Variants in POMZP3 observed in about 807,000 individuals in gnomAD.
POMZP3 encodes POM121 and ZP3 fusion, also known as POM121 and ZP3 fusion protein.
A neutral mutation model predicts 19.8 loss-of-function variants in POMZP3; 10 were observed. The ratio of observed to expected loss-of-function variants is 0.51; its 90% confidence interval spans 0.31 to 0.86. The LOEUF (loss-of-function observed/expected upper bound fraction) is 0.86. Among genes scored for constraint, POMZP3 ranks in the 40% least tolerant of loss-of-function variants. The probability of loss-of-function intolerance (pLI) is 0.04; values close to 1 mark genes in which losing one functional copy is unlikely to be tolerated. For missense variants in POMZP3, 152 were observed against 228.1 expected, an observed-to-expected ratio of 0.67 and a Z score of 2.15; for synonymous variants, 57 against 85.8, an observed-to-expected ratio of 0.66 and a Z score of 1.85.
chr7:76,619,048 A>G (rs936835695), intron 3 of POMZP3, among the ~76,000 whole-genome samples: 1 of 152,116 alleles, frequency 6.6e-6, no homozygotes, highest in African/African-American at 2.4e-5. Context: ...TCAGCCTCCT[A>G]AAGTGCTGAG....
Position 76,614,286 on chromosome 7 carries a change from G to A in POMZP3, c.346-2473C>T, listed in dbSNP as rs1255006563. ...GTCTAGGCTGGGCGTGGTGGCTCATGCCTGTAATCCCAGCACTTTGGGAGG... is the reference window on the plus strand; with the variant it reads ...GTCTAGGCTGGGCGTGGTGGCTCATACCTGTAATCCCAGCACTTTGGGAGG... On this transcript the variant is annotated intron_variant, in intron 4 of 6. Transcript: ENST00000310842. Among the ~76,000 whole-genome samples, 4 of 86,872 alleles carry A rather than the reference G, an allele frequency of 4.6e-5. 1 individual carries two copies. The highest frequency in any genetic ancestry group is 1.5e-4 in the African/African-American group (3 of 20,300). The allele number at this position is 86,872 out of a possible 152,430, so 57.0% of individuals were successfully genotyped here. A position where few individuals can be genotyped will look rare whatever the true frequency, so the allele number is the denominator to read the frequency against.
At position 76,625,525 on chromosome 7, in the gene POMZP3, C is replaced by T. The variant is rs373466345; in HGVS notation, c.224G>A (p.Arg75Lys). ...QIFLDGQENKRSCLVDGLTDA... is the reference protein window; with the variant it reads ...QIFLDGQENKKSCLVDGLTDA... Reference sequence around the variant, plus strand: ...AGTACTCTCCTGAGCCTGTTACCTTCTTTTATTTTCCTGGCCATCAAGGAA... The same window carrying T: ...AGTACTCTCCTGAGCCTGTTACCTTTTTTTATTTTCCTGGCCATCAAGGAA... Residue 75 changes from arginine to lysine, a missense_variant, in exon 3 of 7, where the codon AGA (arginine) becomes AAA (lysine). Physicochemically the swap from Arg to Lys is conservative, Grantham distance 26 (BLOSUM62 2). Transcript: ENST00000310842. 16 of 1,613,288 alleles carry T rather than the reference C, an allele frequency of 9.9e-6. No homozygotes were observed. Among genetic ancestry groups the T allele is most frequent in the African/African-American group, 4.0e-5 (3 of 74,952 alleles).
intron 4 of POMZP3, among the ~76,000 whole-genome samples, chr7:76,613,695 G>C (rs1354633659): frequency 1.2e-5 from 1 of 85,326 alleles, no homozygotes; most frequent in Non-Finnish European, 2.4e-5. Context: ...CCCCATGTTG[G>C]CCAGGCTTGT....
At chr7:76,624,838 A>C (rs967434007) in intron 3 of POMZP3, among the ~76,000 whole-genome samples, 4 of 151,444 alleles carry the variant, frequency 2.6e-5, no homozygotes, top group African/African-American at 7.3e-5. Flanking sequence ...CAATTAAGAC[A>C]CTAGAACTGG....
At chr7:76,615,033 G>A (rs1176439188) in intron 4 of POMZP3, among the ~76,000 whole-genome samples, 31 of 122,610 alleles carry the variant, frequency 2.5e-4, no homozygotes, top group Non-Finnish European at 5.2e-4. Flanking sequence ...TCTGAAATAG[G>A]GTTGTTCCTT....
chr7:76,618,891 G>T (rs1263235640), intron 3 of POMZP3, among the ~76,000 whole-genome samples: 1 of 151,936 alleles, frequency 6.6e-6, no homozygotes, highest in Non-Finnish European at 1.5e-5. Context: ...GGGTTCAAGT[G>T]ATCTTCCTGC....
rs201673757 is a variant in POMZP3 at position 76,623,814 on chromosome 7, A to G, written c.227+1708T>C. On this transcript the variant is annotated intron_variant, in intron 3 of 6. Transcript: ENST00000310842. ...GAGAATCCGCCTCCAAAAAAAAAGA[A>G]AGAGAGAGAGAGAGAAAGAAAAGCA... 2.0e-4 allele frequency among the ~76,000 whole-genome samples: 31 copies of G among 151,876 alleles called. No homozygotes were observed. The East Asian group carries it at 2.3e-3, about 11-fold the overall frequency.
intron 3 of POMZP3, among the ~76,000 whole-genome samples, chr7:76,623,946 T>C (rs1815713540): frequency 6.8e-6 from 1 of 146,344 alleles, no homozygotes; most frequent in Admixed American, 7.0e-5. Context: ...AAAATATGGA[T>C]TTAGGAAGGA....
chr7:76,618,953 G>A (rs1009842915), intron 3 of POMZP3, among the ~76,000 whole-genome samples: 17 of 152,050 alleles, frequency 1.1e-4, no homozygotes, highest in African/African-American at 3.4e-4. Context: ...ATGTCAGGCC[G>A]ATTTTTGTAT....
chr7:76,625,129 A>C (rs1426234861), intron 3 of POMZP3, among the ~76,000 whole-genome samples: 1 of 78,480 alleles, frequency 1.3e-5, no homozygotes, highest in African/African-American at 6.6e-5. Flanking sequence ...ACAGACTCCA[A>C]CTCAAAAAAA....
intron 3 of POMZP3, among the ~76,000 whole-genome samples, chr7:76,623,315 C>G (rs1446334211): frequency 6.6e-6 from 1 of 151,686 alleles, no homozygotes; most frequent in Non-Finnish European, 1.5e-5. Context: ...ATGCAATGGT[C>G]AGGAACTAGT....
intron 3 of POMZP3, among the ~76,000 whole-genome samples, chr7:76,625,291 C>T (rs1017363940): frequency 1.3e-5 from 2 of 150,864 alleles, no homozygotes; most frequent in African/African-American, 4.9e-5. Flanking sequence ...TAGCTGTCAG[C>T]TTATCTCTGC....
chr7:76,610,328 G>A, intron 6 of POMZP3, 113 bp from the exon 7 acceptor site: 2 of 1,138,944 alleles, frequency 1.8e-6, no homozygotes, highest in East Asian at 2.4e-5. Context: ...TTTTTGTGTG[G>A]GCTAATAAAC....
chr7:76,616,899 T>G (rs1815309993), intron 4 of POMZP3, among the ~76,000 whole-genome samples: 1 of 94,906 alleles, frequency 1.1e-5, no homozygotes, highest in East Asian at 2.7e-4. Flanking sequence ...GGCTCACGCC[T>G]GTAATTCCAG....
intron 4 of POMZP3, among the ~76,000 whole-genome samples, chr7:76,617,259 C>G (rs1815319325): frequency 1.2e-5 from 1 of 83,764 alleles, no homozygotes; most frequent in Non-Finnish European, 2.3e-5. Flanking sequence ...AGCCACCGCA[C>G]CAGGCAATTT....
At chr7:76,611,997 G>A (rs1214717144) in intron 4 of POMZP3, among the ~76,000 whole-genome samples, 184 bp from the exon 5 acceptor site, 7 of 150,858 alleles carry the variant, frequency 4.6e-5, no homozygotes, top group Non-Finnish European at 7.4e-5. Context: ...TCAGGAGTTC[G>A]AGACCAACCT....
rs1235030885 is a variant in POMZP3 at position 76,626,018 on chromosome 7, C to G, written c.47G>C (p.Arg16Thr). The G allele has an allele frequency of 6.2e-7, 1 of 1,613,846 alleles. No homozygotes were observed. The highest frequency in any genetic ancestry group is 1.7e-5 in the Admixed American group (1 of 59,998). ...TACTCACATCGCAGAACGCGAAAAT[C>G]TTCTGTCAGGAGGGGCGATCCTCAG... ...VTLRIAPPDR[R>T]FSRSAIPEQI... Residue 16 changes from arginine (R) to threonine (T), a missense_variant, in exon 2 of 7, where the codon AGA becomes ACA. Physicochemically the swap from Arg to Thr is moderately conservative, Grantham distance 71. Around this residue, in one of 4 missense-constraint regions of POMZP3, gnomAD observed 70 missense variants for 64.1 expected, o/e 1.09. Transcript: ENST00000310842.
At chr7:76,618,497 C>T (rs1225692748) in intron 3 of POMZP3, 197 bp from the exon 4 acceptor site, 1 of 729,288 alleles carries the variant, frequency 1.4e-6, no homozygotes, top group Non-Finnish European at 2.2e-6. Flanking sequence ...CAGTGCACAC[C>T]TGTAATCCAC....
Position 76,627,207 on chromosome 7 carries a change from G to A in POMZP3, c.-651C>T. Reference sequence around the variant, plus strand: ...CGGCCGGCCCTGACACTCGCTATCGGCCGCCGCCGCTCGCCTGCTCCAGCC... The same window carrying A: ...CGGCCGGCCCTGACACTCGCTATCGACCGCCGCCGCTCGCCTGCTCCAGCC... On this transcript the variant is annotated 5_prime_UTR_variant, in exon 1 of 7. Transcript: ENST00000310842. 7 of 1,434,318 alleles carry A rather than the reference G, an allele frequency of 4.9e-6. 1 individual carries two copies. The highest frequency in any genetic ancestry group is 4.9e-4 in the Middle Eastern group (2 of 4,122). The allele number at this position is 1,434,318 out of a possible 1,614,324, so 88.8% of individuals were successfully genotyped here. A position where few individuals can be genotyped will look rare whatever the true frequency, so the allele number is the denominator to read the frequency against.
Sources: gnomAD v4.1 joint callset for allele counts (sites outside exome capture counted in the v4.1 genomes callset) on GRCh38, gnomAD v4.1.1 for gene constraint, gnomAD v4.1.1 regional missense constraint, MANE v1.5 for transcripts, NCBI Gene and HGNC (gene_info 2026-07-23, HGNC 2026-07-21) for gene names.